The following MYRFL variants were observed in gnomAD, a reference collection of about 807,000 sequenced individuals.
The protein encoded by MYRFL is myelin regulatory factor like.
Under a neutral mutation model 109.4 loss-of-function variants are expected in MYRFL, and 88 were observed. The observed-to-expected ratio is 0.80, with a 90% CI of 0.68 to 0.96. The LOEUF (loss-of-function observed/expected upper bound fraction) is 0.96, where lower values mean the gene tolerates loss of function less well. MYRFL is among the 40% of genes least tolerant of loss of function. The pLI is 0.00. For synonymous variants in MYRFL, 324 were observed against 320.9 expected, an observed-to-expected ratio of 1.01 and a Z score of -0.10; for missense variants, 957 against 954.9, an observed-to-expected ratio of 1.00 and a Z score of -0.03.
intron 7 of MYRFL, among the ~76,000 whole-genome samples, chr12:69,893,267 C>T (rs1887024758): frequency 6.6e-6 from 1 of 152,168 alleles, no homozygotes; most frequent in Admixed American, 6.5e-5. Flanking sequence ...GTAGCAGATG[C>T]TGAATAAATG....
intron 1 of MYRFL, among the ~76,000 whole-genome samples, chr12:69,850,694 G>T (rs1883826919): frequency 6.6e-6 from 1 of 151,772 alleles, no homozygotes; most frequent in Non-Finnish European, 1.5e-5. Context: ...TCTTTGTCAG[G>T]GTTTATTACT....
At chr12:69,944,414 C>T (rs2120519074) in intron 19 of MYRFL, among the ~76,000 whole-genome samples, 1 of 143,000 alleles carries the variant, frequency 7.0e-6, no homozygotes, top group East Asian at 2.0e-4. Flanking sequence ...AATCATCATT[C>T]TCAGTAAACT....
intron 1 of MYRFL, among the ~76,000 whole-genome samples, chr12:69,853,016 C>A (rs1250743822): frequency 1.3e-5 from 2 of 152,270 alleles, no homozygotes; most frequent in Admixed American, 6.5e-5. Flanking sequence ...CATCTGATTT[C>A]TCTTTCTTTT....
chr12:69,923,573 G>A (rs903410281), intron 13 of MYRFL, among the ~76,000 whole-genome samples: 8 of 152,020 alleles, frequency 5.3e-5, no homozygotes, highest in African/African-American at 1.7e-4. Context: ...TATTAACTAT[G>A]TATTTGTTTT....
intron 19 of MYRFL, among the ~76,000 whole-genome samples, chr12:69,940,347 G>T (rs1172177753): frequency 1.3e-5 from 2 of 150,912 alleles, no homozygotes; most frequent in African/African-American, 4.9e-5. Flanking sequence ...GACTAACAGC[G>T]GATCTCTCGG....
chr12:69,914,515 A>T (rs531481555), intron 13 of MYRFL, among the ~76,000 whole-genome samples: 8 of 152,280 alleles, frequency 5.3e-5, no homozygotes, highest in East Asian at 3.9e-4. Context: ...CTGAGTGGCA[A>T]TGTGTAGGTA....
intron 12 of MYRFL, among the ~76,000 whole-genome samples, chr12:69,910,616 C>A (rs578117000): frequency 6.8e-6 from 1 of 147,378 alleles, no homozygotes; most frequent in Non-Finnish European, 1.5e-5. Context: ...TACCTCCCCC[C>A]TGTTGGCCCA....
At chr12:69,900,919 T>C (rs992911975) in intron 10 of MYRFL, among the ~76,000 whole-genome samples, 6 of 152,326 alleles carry the variant, frequency 3.9e-5, no homozygotes, top group African/African-American at 1.4e-4. Context: ...AAATAGCTGC[T>C]GCTGTGCCCA....
intron 1 of MYRFL, among the ~76,000 whole-genome samples, chr12:69,853,283 C>T (rs1043865035): frequency 6.6e-5 from 10 of 151,794 alleles, no homozygotes; most frequent in South Asian, 2.1e-4. Context: ...CTGGACAGGG[C>T]GGCTGCCGGG....
intron 2 of MYRFL, among the ~76,000 whole-genome samples, chr12:69,865,325 C>T (rs11177912): frequency 1.3e-5 from 2 of 152,064 alleles, no homozygotes; most frequent in Non-Finnish European, 2.9e-5. Context: ...GGGAGGAAAC[C>T]CAGCAGGGTC....
At chr12:69,832,944 T>TTGTG (rs57702116) in intron 1 of MYRFL, among the ~76,000 whole-genome samples, 9 of 143,822 alleles carry the variant, frequency 6.3e-5, no homozygotes, top group South Asian at 2.4e-4. Flanking sequence ...AGGAACAGGC[T>TTGTG]TGTGTGTGTG....
At position 69,825,496 on chromosome 12, in the gene MYRFL, A is replaced by G; in HGVS notation, c.-22A>G. 1.4e-6 allele frequency: 1 copy of G among 700,962 alleles called. No homozygotes were observed. The highest frequency in any genetic ancestry group is 1.5e-5 in the South Asian group (1 of 67,212). 43.4% of individuals were successfully genotyped at this position (700,962 alleles called of 1,614,324 possible). On this transcript the variant is annotated 5_prime_UTR_variant, in exon 1 of 25. Transcript: ENST00000552032. ...CTGATAACCGTTGTTTTATGAGGAA[A>G]TAGTACTAGGATCACAGTACCATGG...
chr12:69,945,548 G>T (rs951137574), intron 19 of MYRFL, among the ~76,000 whole-genome samples: 1 of 152,158 alleles, frequency 6.6e-6, no homozygotes, highest in African/African-American at 2.4e-5. Flanking sequence ...TACACTTTGT[G>T]ATGTTTGTAC....
intron 19 of MYRFL, among the ~76,000 whole-genome samples, chr12:69,942,502 C>T (rs1315503191): frequency 1.3e-5 from 2 of 150,962 alleles, no homozygotes; most frequent in Non-Finnish European, 3.0e-5. Context: ...ATGCTAAAAA[C>T]TCTCAATAAA....
At chr12:69,876,536 T>C (rs1885675221) in intron 2 of MYRFL, among the ~76,000 whole-genome samples, 1 of 152,204 alleles carries the variant, frequency 6.6e-6, no homozygotes, top group Non-Finnish European at 1.5e-5. Context: ...CTGGTTTTGT[T>C]CTCTGTCTTT....
intron 11 of MYRFL, among the ~76,000 whole-genome samples, chr12:69,908,578 C>T (rs1020449068): frequency 9.2e-5 from 14 of 152,128 alleles, no homozygotes; most frequent in Admixed American, 7.9e-4. Flanking sequence ...GCTAGGAAGC[C>T]TTCCTTTACG....
chr12:69,890,335 A>G lies in MYRFL; in HGVS notation c.708-636A>G, dbSNP rs144106750. ...CTAAGTAATGTGTTGACTTCTCAAC[A>G]TCTAGCCTACATATTTCTATTGTGT... On this transcript the variant is annotated intron_variant, in intron 6 of 24. Transcript: ENST00000552032. Among the ~76,000 whole-genome samples the G allele has an allele frequency of 2.7e-3, 407 of 152,334 alleles. 3 individuals carry two copies. The highest frequency in any genetic ancestry group is 9.0e-3 in the African/African-American group (375 of 41,570).
At chr12:69,890,550 A>G (rs190807243) in intron 6 of MYRFL, among the ~76,000 whole-genome samples, 7 of 152,326 alleles carry the variant, frequency 4.6e-5, no homozygotes, top group Middle Eastern at 3.4e-3. Flanking sequence ...CCTGGCCAAC[A>G]TGGCGAAACC....
At chr12:69,860,047 G>A (rs899383921) in intron 2 of MYRFL, among the ~76,000 whole-genome samples, 1 of 152,020 alleles carries the variant, frequency 6.6e-6, no homozygotes, top group Non-Finnish European at 1.5e-5. Context: ...CATCACCTAG[G>A]TATTCAGCCC....
Sources: allele counts gnomAD v4.1 joint callset (sites outside exome capture counted in the v4.1 genomes callset), GRCh38; gene constraint gnomAD v4.1.1; transcripts MANE v1.5; gene names NCBI Gene and HGNC (gene_info 2026-07-23, HGNC 2026-07-21).